CTNND2: variants seen among roughly 807,000 people sequenced by gnomAD.
The protein encoded by CTNND2 is catenin delta 2.
In CTNND2, 22 loss-of-function variants were observed where a neutral mutation model predicts 144.4. The ratio of observed to expected loss-of-function variants is 0.15; its 90% CI spans 0.11 to 0.22. CTNND2 has a LOEUF of 0.22. Among genes scored for constraint, CTNND2 ranks in the 10% least tolerant of loss-of-function variants. CTNND2 has a pLI of 1.00. For missense variants in CTNND2, 1,353 were observed against 1,618.8 expected, an observed-to-expected ratio of 0.84 and a Z score of 2.82; for synonymous variants, 751 against 695.6, an observed-to-expected ratio of 1.08 and a Z score of -1.25.
intron 1 of CTNND2, among the ~76,000 whole-genome samples, chr5:11,812,787 T>G (rs1389898699): frequency 6.6e-6 from 1 of 152,108 alleles, no homozygotes; most frequent in African/African-American, 2.4e-5. Flanking sequence ...AAGCTGACTC[T>G]TAGGAGAGGA....
chr5:11,202,440 C>T (rs1737551513), intron 10 of CTNND2, among the ~76,000 whole-genome samples: 1 of 152,138 alleles, frequency 6.6e-6, no homozygotes, highest in African/African-American at 2.4e-5. Context: ...ATAAGTAAGT[C>T]AATTAACCTT....
chr5:11,382,943 A>G (rs1235990047), intron 7 of CTNND2, among the ~76,000 whole-genome samples: 2 of 152,056 alleles, frequency 1.3e-5, no homozygotes, highest in Non-Finnish European at 2.9e-5. Context: ...TAAGCGCAAT[A>G]CAATCTATTT....
intron 3 of CTNND2, among the ~76,000 whole-genome samples, chr5:11,549,146 GA>G (rs1170818002): frequency 6.6e-6 from 1 of 152,160 alleles, no homozygotes; most frequent in African/African-American, 2.4e-5. Context: ...TGATACCTAG[GA>G]AAGTATTTTT....
Position 11,879,341 on chromosome 5 carries a change from G to GTGTATATATA in CTNND2, c.37+24475_37+24476insTATATATACA. 4.4e-4 allele frequency among the ~76,000 whole-genome samples: 48 copies of GTGTATATATA among 109,120 alleles called. 2 individuals are homozygous for GTGTATATATA. The highest frequency in any genetic ancestry group is 1.2e-3 in the East Asian group (5 of 4,020). 71.6% of individuals were successfully genotyped at this position (109,120 alleles called of 152,430 possible). On this transcript the variant is annotated intron_variant, in intron 1 of 21. Coordinates refer to ENST00000304623, the MANE Select transcript of CTNND2 (RefSeq NM_001332.4). ...AAGTGTATTAAAAAATTAAATGTGTGTATATATATATATATACATATACAC... is the reference window on the plus strand; with the variant it reads ...AAGTGTATTAAAAAATTAAATGTGTGTGTATATATATATATATATATATATACATATACAC...
chr5:11,386,255 G>C (rs999317859), intron 6 of CTNND2, among the ~76,000 whole-genome samples: 2 of 152,178 alleles, frequency 1.3e-5, no homozygotes, highest in Non-Finnish European at 2.9e-5. Context: ...AAAGGGAGTA[G>C]GATTGTACAC....
chr5:11,674,716 T>TTTGTTTGGTTGGTTGGTTGGTTGGTTGG (rs368963579), intron 2 of CTNND2, among the ~76,000 whole-genome samples: 4 of 150,886 alleles, frequency 2.7e-5, no homozygotes, highest in African/African-American at 9.8e-5. Context: ...TGTTTGTTTG[T>TTTGTTTGGTTGGTTGGTTGGTTGGTTGG]TTGGTTGGTT....
chr5:11,283,981 G>A (rs1287167615), intron 9 of CTNND2, among the ~76,000 whole-genome samples: 1 of 152,152 alleles, frequency 6.6e-6, no homozygotes, highest in African/African-American at 2.4e-5. Context: ...TCTTCAACAT[G>A]TGGGCTATTA....
intron 10 of CTNND2, among the ~76,000 whole-genome samples, chr5:11,218,435 G>T (rs1284105665): frequency 6.6e-6 from 1 of 152,064 alleles, no homozygotes; most frequent in African/African-American, 2.4e-5. Context: ...TAGTAAGTCT[G>T]GATCCCTACA....
chr5:11,320,773 C>T (rs539555350), intron 9 of CTNND2, among the ~76,000 whole-genome samples: 1 of 152,310 alleles, frequency 6.6e-6, no homozygotes, highest in East Asian at 1.9e-4. Flanking sequence ...CCTCCCACAA[C>T]ACGTGGGAGG....
At chr5:11,286,046 C>T (rs1174710201) in intron 9 of CTNND2, among the ~76,000 whole-genome samples, 2 of 125,798 alleles carry the variant, frequency 1.6e-5, no homozygotes, top group Admixed American at 7.7e-5. Flanking sequence ...CAATTGATAT[C>T]CACATGAAAA....
intron 9 of CTNND2, among the ~76,000 whole-genome samples, chr5:11,286,467 T>C (rs1418495782): frequency 6.6e-6 from 1 of 152,148 alleles, no homozygotes; most frequent in Non-Finnish European, 1.5e-5. Context: ...AAGATAAAAA[T>C]TGCCCAAGAT....
At chr5:11,014,733 A>T (rs901443697) in intron 18 of CTNND2, among the ~76,000 whole-genome samples, 2 of 152,228 alleles carry the variant, frequency 1.3e-5, no homozygotes, top group African/African-American at 2.4e-5. Context: ...TAGGTGAGCT[A>T]ATGAAATGAC....
intron 9 of CTNND2, among the ~76,000 whole-genome samples, chr5:11,242,302 G>T (rs546584823): frequency 2.6e-5 from 4 of 152,090 alleles, no homozygotes; most frequent in Non-Finnish European, 4.4e-5. Flanking sequence ...TCTTACAGAA[G>T]AGGCAACTTA....
intron 1 of CTNND2, among the ~76,000 whole-genome samples, chr5:11,831,666 CAAAAA>C (rs61030048): frequency 2.0e-5 from 2 of 99,152 alleles, no homozygotes; most frequent in Non-Finnish European, 2.2e-5. Flanking sequence ...GACTCTGTAT[CAAAAA>C]AAAAAAAAAA....
At chr5:11,136,535 T>G (rs752114776) in intron 12 of CTNND2, among the ~76,000 whole-genome samples, 1 of 151,634 alleles carries the variant, frequency 6.6e-6, no homozygotes, top group Non-Finnish European at 1.5e-5. Context: ...TATGTTGTTA[T>G]GCACCAGCAG....
chr5:11,644,610 C>T (rs952486102), intron 2 of CTNND2, among the ~76,000 whole-genome samples: 2 of 150,142 alleles, frequency 1.3e-5, no homozygotes, highest in Non-Finnish European at 2.9e-5. Context: ...GGAGCCGGAG[C>T]TTGCAGTGAG....
intron 9 of CTNND2, among the ~76,000 whole-genome samples, chr5:11,343,748 G>C (rs1754491028): frequency 6.6e-6 from 1 of 152,098 alleles, no homozygotes; most frequent in Non-Finnish European, 1.5e-5. Context: ...GCTCACAAAG[G>C]AGGATTACAT....
intron 2 of CTNND2, among the ~76,000 whole-genome samples, chr5:11,696,317 T>G (rs1190511847): frequency 6.6e-6 from 1 of 152,244 alleles, no homozygotes; most frequent in African/African-American, 2.4e-5. Flanking sequence ...TCCAACTATT[T>G]AAAATATGTG....
In CTNND2 at chr5:10,973,284, C is replaced by A; in HGVS notation, c.*169G>T. 1 of 678,212 alleles carries A rather than the reference C, an allele frequency of 1.5e-6. No homozygotes were observed. Among genetic ancestry groups the A allele is most frequent in the South Asian group, 3.1e-5 (1 of 31,886 alleles). The allele number at this position is 678,212 out of a possible 1,614,324, so 42.0% of individuals were successfully genotyped here. ...CTGATTTCCAAGTTAACTTGCGATTCATTTAGCTTTCTAAAATAGCTCTTA... is the reference window on the plus strand; with the variant it reads ...CTGATTTCCAAGTTAACTTGCGATTAATTTAGCTTTCTAAAATAGCTCTTA... On this transcript the variant is annotated 3_prime_UTR_variant, in exon 22 of 22. Coordinates refer to ENST00000304623, the MANE Select transcript of CTNND2 (RefSeq NM_001332.4). The surrounding 1 kb of genome is among the most constrained non-coding windows in gnomAD (Gnocchi z 5.6).
Sources: gnomAD v4.1 joint callset for allele counts (sites outside exome capture counted in the v4.1 genomes callset) on GRCh38, gnomAD v4.1.1 for gene constraint, Gnocchi (gnomAD v3.1) non-coding constraint, MANE v1.5 for transcripts, NCBI Gene and HGNC (gene_info 2026-07-23, HGNC 2026-07-21) for gene names.